BPTF: variants seen among roughly 807,000 people sequenced by gnomAD.
BPTF encodes the protein nucleosome-remodeling factor subunit BPTF.
Under a neutral mutation model 292.5 loss-of-function variants are expected in BPTF, and 18 were observed. The ratio of observed to expected loss-of-function variants is 0.06; its 90% CI spans 0.04 to 0.09. The LOEUF (loss-of-function observed/expected upper bound fraction) is 0.09, where lower values mean the gene tolerates loss of function less well. Ranked by LOEUF, BPTF falls within the 10% of genes least tolerant of loss-of-function variation. The pLI is 1.00. For synonymous variants in BPTF, 1,225 were observed against 1,251.9 expected, an observed-to-expected ratio of 0.98 and a Z score of 0.45; for missense variants, 2,726 against 3,498.7, an observed-to-expected ratio of 0.78 and a Z score of 5.57.
At chr17:67,949,033 G>C (rs2066031173) in intron 23 of BPTF, among the ~76,000 whole-genome samples, 1 of 152,108 alleles carries the variant, frequency 6.6e-6, no homozygotes, top group Admixed American at 6.5e-5. Flanking sequence ...AAACGATTCT[G>C]TAGGTATTGC....
chr17:67,977,519 GAAA>G (rs556143004), intron 27 of BPTF, among the ~76,000 whole-genome samples: 1 of 140,140 alleles, frequency 7.1e-6, no homozygotes, highest in Non-Finnish European at 1.6e-5. Flanking sequence ...CATCTCAGAA[GAAA>G]AAAAAAAAGT....
At chr17:67,888,286 A>G (rs1412952574) in intron 4 of BPTF, among the ~76,000 whole-genome samples, 1 of 152,124 alleles carries the variant, frequency 6.6e-6, no homozygotes, top group East Asian at 1.9e-4. Context: ...CTCTGTGTGT[A>G]TATTAATTTC....
chr17:67,967,227 C>T (rs568100724), intron 26 of BPTF, among the ~76,000 whole-genome samples: 190 of 150,216 alleles, frequency 1.3e-3, no homozygotes, highest in African/African-American at 4.4e-3. Flanking sequence ...CTACAACCTC[C>T]GCCTCCCAGG....
At chr17:67,931,601 C>T (rs1052511741) in intron 17 of BPTF, among the ~76,000 whole-genome samples, 8 of 152,242 alleles carry the variant, frequency 5.3e-5, no homozygotes, top group Non-Finnish European at 1.0e-4. Flanking sequence ...TGCGACTCCA[C>T]ATTTTCCTGT....
chr17:67,841,713 A>G (rs1046123025), intron 1 of BPTF, among the ~76,000 whole-genome samples: 1 of 152,112 alleles, frequency 6.6e-6, no homozygotes, highest in African/African-American at 2.4e-5. Flanking sequence ...TATCATTATA[A>G]TTTGAAATGG....
chr17:67,840,540 TCTC>T (rs1452006052), intron 1 of BPTF, among the ~76,000 whole-genome samples: 9 of 149,742 alleles, frequency 6.0e-5, no homozygotes, highest in Non-Finnish European at 1.3e-4. Context: ...CTCCTCTCCT[TCTC>T]CTCTTCCTCC....
At chr17:67,881,892 G>C (rs1393402065) in intron 4 of BPTF, among the ~76,000 whole-genome samples, 1 of 112,714 alleles carries the variant, frequency 8.9e-6, no homozygotes, top group Admixed American at 1.0e-4. Flanking sequence ...TTTGAGACAG[G>C]GTCTTGCTCT....
At chr17:67,846,774 C>T (rs1382340197) in intron 1 of BPTF, among the ~76,000 whole-genome samples, 12 of 152,124 alleles carry the variant, frequency 7.9e-5, no homozygotes, top group Admixed American at 7.9e-4. Flanking sequence ...AGTCTGGGCT[C>T]ACTGCAACCT....
At chr17:67,889,885 A>G (rs1684276980) in intron 4 of BPTF, among the ~76,000 whole-genome samples, 1 of 152,060 alleles carries the variant, frequency 6.6e-6, no homozygotes, top group South Asian at 2.1e-4. Flanking sequence ...TTGCTACCAC[A>G]CATCCAAAGT....
At chr17:67,974,910 T>A (rs1310709827) in intron 26 of BPTF, 3 of 152,194 alleles carry the variant, frequency 2.0e-5, no homozygotes, top group Non-Finnish European at 4.4e-5. Flanking sequence ...CCATTGGTGA[T>A]CAGCTTAACC....
chr17:67,869,982 A>G (rs1464029605), intron 3 of BPTF, among the ~76,000 whole-genome samples: 2 of 144,496 alleles, frequency 1.4e-5, no homozygotes, highest in Non-Finnish European at 3.0e-5. Flanking sequence ...CCTGGGCGAC[A>G]CAGAGCGAGA....
intron 26 of BPTF, among the ~76,000 whole-genome samples, chr17:67,967,043 T>G (rs562550246): frequency 1.6e-4 from 24 of 151,242 alleles, no homozygotes; most frequent in African/African-American, 5.8e-4. Flanking sequence ...GAGGTTGCAG[T>G]GAACAGAGAT....
intron 2 of BPTF, among the ~76,000 whole-genome samples, chr17:67,857,421 A>G (rs866031980): frequency 7.3e-5 from 11 of 151,478 alleles, no homozygotes; most frequent in Non-Finnish European, 1.3e-4. Context: ...CGGCCTCCCA[A>G]AGTGCTGGGA....
In BPTF at chr17:67,943,535, A is replaced by G. The variant is rs114225277; in HGVS notation, c.6478-615A>G. Among the ~76,000 whole-genome samples the G allele has an allele frequency of 7.6e-3, 1,150 of 152,274 alleles. 10 individuals are homozygous for G. The highest frequency in any genetic ancestry group is 0.026 in the African/African-American group (1,085 of 41,556). On this transcript the variant is annotated intron_variant, in intron 19 of 27. Coordinates refer to ENST00000306378, the MANE Select transcript of BPTF (RefSeq NM_182641.4). ...GTGATCCTCCTTACTTGGTGTTTGC[A>G]TTACATATCTAAAACCCTAAGCTTT...
intron 15 of BPTF, 56 bp from the exon 16 acceptor site, chr17:67,928,299 T>C: frequency 6.6e-7 from 1 of 1,519,522 alleles, no homozygotes; most frequent in Admixed American, 2.1e-5. Flanking sequence ...TGTAGAATGG[T>C]ATTGTTTTTA....
At chr17:67,938,042 G>C (rs981650358) in intron 18 of BPTF, among the ~76,000 whole-genome samples, 5 of 152,230 alleles carry the variant, frequency 3.3e-5, no homozygotes, top group Non-Finnish European at 5.9e-5. Context: ...GAACCCAGGA[G>C]GCAGAAGTTG....
At chr17:67,893,333 G>A in intron 5 of BPTF, 37 bp from the exon 6 acceptor site, 2 of 1,249,710 alleles carry the variant, frequency 1.6e-6, no homozygotes, top group South Asian at 2.5e-5. Context: ...ATCTTTGATT[G>A]ACATAAATAA....
chr17:67,942,042 G>C (rs1555672156), intron 19 of BPTF, among the ~76,000 whole-genome samples: 1 of 152,364 alleles, frequency 6.6e-6, no homozygotes, highest in East Asian at 1.9e-4. Context: ...GCTCACACCT[G>C]TAATCCCAGC....
At position 67,903,763 on chromosome 17, in the gene BPTF, T is replaced by C. The variant is rs775079599; in HGVS notation, c.2544-26T>C. On this transcript the variant is annotated intron_variant, in intron 7 of 27. Coordinates refer to ENST00000306378, the MANE Select transcript of BPTF (RefSeq NM_182641.4). ...TTCTGTTTATTTTTCCAAGTTAACA[T>C]TGTCTTTCTATGCATGAATTCTTAG... 5.3e-6 allele frequency: 8 copies of C among 1,508,936 alleles called. No homozygotes were observed. In the South Asian group the frequency reaches 9.5e-5, roughly 18 times the overall value. 93.5% of individuals were successfully genotyped at this position (1,508,936 alleles called of 1,614,324 possible).
Sources: gnomAD v4.1 joint callset for allele counts (sites outside exome capture counted in the v4.1 genomes callset) on GRCh38, gnomAD v4.1.1 for gene constraint, MANE v1.5 for transcripts, NCBI Gene and HGNC (gene_info 2026-07-23, HGNC 2026-07-21) for gene names.